Variants in MYO3B observed in about 807,000 individuals in gnomAD.
MYO3B encodes myosin-IIIb.
Under a neutral mutation model 174.6 loss-of-function variants are expected in MYO3B, and 156 were observed. The observed-to-expected ratio is 0.89, with a 90% CI of 0.78 to 1.02. MYO3B has a LOEUF of 1.02. MYO3B is among the 50% of genes least tolerant of loss of function. MYO3B has a pLI of 0.00. For missense variants in MYO3B, 1,632 were observed against 1,639.4 expected (o/e 1.00, Z 0.08); for synonymous variants, 563 against 569.1 (o/e 0.99, Z 0.15).
intron 7 of MYO3B, among the ~76,000 whole-genome samples, chr2:170,289,551 A>T (rs527410815): frequency 2.8e-4 from 43 of 151,768 alleles, no homozygotes; most frequent in Admixed American, 2.1e-3. Context: ...TCTCAGTTTT[A>T]ATGTCTTTTT....
At chr2:170,337,388 C>G (rs1181350128) in intron 8 of MYO3B, among the ~76,000 whole-genome samples, 2 of 152,112 alleles carry the variant, frequency 1.3e-5, no homozygotes, top group Non-Finnish European at 2.9e-5. Flanking sequence ...TAGAAAAATC[C>G]ATTACATATT....
At chr2:170,389,753 TC>T (rs1371641574) in intron 14 of MYO3B, among the ~76,000 whole-genome samples, 2 of 152,178 alleles carry the variant, frequency 1.3e-5, no homozygotes, top group African/African-American at 4.8e-5. Flanking sequence ...CACTAGATGC[TC>T]AAGCTAGAAA....
intron 8 of MYO3B, chr2:170,340,853 A>C (rs192140808): frequency 6.6e-6 from 1 of 152,198 alleles, no homozygotes; most frequent in Non-Finnish European, 1.5e-5. Flanking sequence ...TCTGCTTAAA[A>C]TACTCAGTAT....
At position 170,558,834 on chromosome 2, in the gene MYO3B, G is replaced by A. The variant is rs189784668; in HGVS notation, c.3733+14846G>A. Among the ~76,000 whole-genome samples the A allele has an allele frequency of 3.9e-5, 6 of 152,276 alleles. No individual in the cohort carries two copies. The East Asian group carries it at 1.2e-3, about 29-fold the overall frequency. On this transcript the variant is annotated intron_variant, in intron 32 of 34. Coordinates refer to ENST00000408978, the MANE Select transcript of MYO3B (RefSeq NM_138995.5). ...CCATCTATGCCACTCTAATAGCTTT[G>A]TGACTTTGGTCAAGTTAACTTAATC... is the stretch of plus-strand genomic sequence containing the variant.
At position 170,382,071 on chromosome 2, in the gene MYO3B, T is replaced by A. The variant is rs569532415; in HGVS notation, c.1027T>A (p.Cys343Ser). 2.0e-5 allele frequency: 33 copies of A among 1,613,726 alleles called. No individual in the cohort carries two copies. In the East Asian group the frequency reaches 4.0e-4, roughly 20 times the overall value. ...TCATGTGGAAGATGCTGAAAAATAC[T>A]GCCTTGAGGATGATTTGGTCAACCT... ...PYHVEDAEKY[C>S]LEDDLVNLEV... Residue 343 changes from cysteine to serine, a missense_variant, in exon 10 of 35, where the codon TGC becomes AGC. By Grantham distance (112) the Cys-to-Ser change is moderately radical (BLOSUM62 -1). Coordinates refer to ENST00000408978, the MANE Select transcript of MYO3B (RefSeq NM_138995.5).
At chr2:170,594,825 GCGCA>G (rs748997287) in intron 32 of MYO3B, among the ~76,000 whole-genome samples, 3 of 132,706 alleles carry the variant, frequency 2.3e-5, no homozygotes, top group South Asian at 2.5e-4. Context: ...TTCCCAGCGC[GCGCA>G]CACACACACA....
chr2:170,590,961 C>T (rs1026953087), intron 32 of MYO3B, among the ~76,000 whole-genome samples: 2 of 152,080 alleles, frequency 1.3e-5, no homozygotes, highest in Non-Finnish European at 2.9e-5. Context: ...GACTATGTCT[C>T]AATATTCAGA....
chr2:170,602,029 T>A, intron 32 of MYO3B: 1 of 911,994 alleles, frequency 1.1e-6, no homozygotes, highest in South Asian at 1.3e-5. Context: ...ACGGTCTTTG[T>A]CCACCTTTGC....
intron 23 of MYO3B, among the ~76,000 whole-genome samples, chr2:170,459,691 C>A (rs558672755): frequency 5.7e-4 from 87 of 152,116 alleles, no homozygotes; most frequent in African/African-American, 2.1e-3. Flanking sequence ...TGGTGCCCGT[C>A]GAGGAGGCTC....
At chr2:170,374,450 T>C (rs1467034223) in intron 9 of MYO3B, among the ~76,000 whole-genome samples, 1 of 152,202 alleles carries the variant, frequency 6.6e-6, no homozygotes, top group Non-Finnish European at 1.5e-5. Context: ...TAAGGATAGC[T>C]GAGCTTGTGG....
chr2:170,464,536 G>C (rs941092290), intron 24 of MYO3B, among the ~76,000 whole-genome samples: 63 of 152,038 alleles, frequency 4.1e-4, no homozygotes, highest in African/African-American at 1.4e-3. Context: ...TGGATAGAAG[G>C]CTCCATGGAA....
chr2:170,297,459 A>G (rs1405523441), intron 7 of MYO3B, among the ~76,000 whole-genome samples: 2 of 152,172 alleles, frequency 1.3e-5, no homozygotes, highest in Non-Finnish European at 2.9e-5. Flanking sequence ...TGCCATAGTA[A>G]CTCTGCTTTT....
At position 170,407,766 on chromosome 2, in the gene MYO3B, G is replaced by A. The variant is rs1253011946; in HGVS notation, c.2572G>A (p.Ala858Thr). Residue 858 changes from alanine to threonine, a missense_variant, in exon 22 of 35, where the codon GCC (alanine) becomes ACC (threonine). Transcript: ENST00000408978. The stretch of plus-strand genomic sequence containing the variant: ...TGAGAAAAATAGAGACACTCTCCCT[G>A]CCGATGTGGTTGTGGTCCTGAGAAC... ...VLEKNRDTLP[A>T]DVVVVLRTSE... is the part of the protein sequence containing the mutation. The A allele has an allele frequency of 6.2e-7, 1 of 1,613,982 alleles. No individual in the cohort carries two copies. The highest frequency in any genetic ancestry group is 1.3e-5 in the African/African-American group (1 of 74,922).
chr2:170,329,854 CTATT>C (rs992463561), intron 7 of MYO3B, among the ~76,000 whole-genome samples: 5 of 152,180 alleles, frequency 3.3e-5, no homozygotes, highest in Admixed American at 3.3e-4. Flanking sequence ...ACACGACTAA[CTATT>C]CAACTTTATT....
At chr2:170,414,415 C>G (rs954940414) in intron 22 of MYO3B, among the ~76,000 whole-genome samples, 4 of 152,148 alleles carry the variant, frequency 2.6e-5, no homozygotes, top group Admixed American at 2.6e-4. Flanking sequence ...TCTCGAACTC[C>G]TGACCTCATG....
chr2:170,341,498 G>A (rs1289889584), intron 8 of MYO3B: 1 of 152,164 alleles, frequency 6.6e-6, no homozygotes, highest in East Asian at 1.9e-4. Context: ...ATTAAAATGA[G>A]CAGTGGTATC....
At chr2:170,202,427 G>C (rs2105342067) in intron 3 of MYO3B, among the ~76,000 whole-genome samples, 1 of 152,266 alleles carries the variant, frequency 6.6e-6, no homozygotes, top group Admixed American at 6.5e-5. Context: ...AATAGTCTTA[G>C]GGAAACACAG....
At chr2:170,388,236 T>C (rs1479780364) in intron 14 of MYO3B, among the ~76,000 whole-genome samples, 3 of 152,132 alleles carry the variant, frequency 2.0e-5, no homozygotes, top group Admixed American at 2.0e-4. Flanking sequence ...TCACGGGGCT[T>C]AGAGTATGCG....
chr2:170,310,787 A>G (rs1180843859), intron 7 of MYO3B, among the ~76,000 whole-genome samples: 8 of 152,058 alleles, frequency 5.3e-5, no homozygotes, highest in Admixed American at 5.2e-4. Flanking sequence ...GAATATGTCT[A>G]AAGACCTGGG....
Sources: allele counts gnomAD v4.1 joint callset (sites outside exome capture counted in the v4.1 genomes callset), GRCh38; gene constraint gnomAD v4.1.1; transcripts MANE v1.5; gene names NCBI Gene and HGNC (gene_info 2026-07-23, HGNC 2026-07-21).